DNAH14: variants seen among roughly 807,000 people sequenced by gnomAD.
DNAH14 encodes dynein axonemal heavy chain 14.
DNAH14 carries 478 observed loss-of-function variants against 520.9 expected under a neutral mutation model. That is an observed-to-expected ratio of 0.92 (90% CI 0.85 to 0.99). The LOEUF (loss-of-function observed/expected upper bound fraction) is 0.99. Ranked by LOEUF, DNAH14 falls within the 50% of genes least tolerant of loss-of-function variation. DNAH14 has a pLI of 0.00. For synonymous variants in DNAH14, 1,581 were observed against 1,757.2 expected, an observed-to-expected ratio of 0.90 and a Z score of 2.51; for missense variants, 4,831 against 5,234.5, an observed-to-expected ratio of 0.92 and a Z score of 2.38.
At chr1:225,158,358 G>A (rs1406125561) in intron 34 of DNAH14, among the ~76,000 whole-genome samples, 2 of 152,112 alleles carry the variant, frequency 1.3e-5, no homozygotes, top group Non-Finnish European at 2.9e-5. Flanking sequence ...GGGTGTGATT[G>A]CTTTGATTAA....
chr1:225,333,114 T>C (rs1421954219), intron 65 of DNAH14, among the ~76,000 whole-genome samples, 177 bp from the exon 66 acceptor site: 2 of 152,192 alleles, frequency 1.3e-5, no homozygotes, highest in South Asian at 2.1e-4. Context: ...AGACTAATTT[T>C]CCCCTCAGAA....
At position 225,336,057 on chromosome 1, in the gene DNAH14, A is replaced by G. The variant is rs965299694; in HGVS notation, c.10081-1209A>G. Among the ~76,000 whole-genome samples the G allele has an allele frequency of 3.1e-4, 45 of 145,966 alleles. 2 individuals are homozygous for G. Among genetic ancestry groups the G allele is most frequent in the African/African-American group, 5.1e-5 (2 of 39,216 alleles). On this transcript the variant is annotated intron_variant, in intron 66 of 85. Transcript: ENST00000682510. ...TACACACATATATGCATATATACAT[A>G]TATGTATACATACATACTTATATAT...
At position 225,347,611 on chromosome 1, in the gene DNAH14, C is replaced by CA. The variant is rs569131608; in HGVS notation, c.11296+959dup. 4.6e-5 allele frequency among the ~76,000 whole-genome samples: 7 copies of CA among 152,248 alleles called. No individual in the cohort carries two copies. In the South Asian group the frequency reaches 1.5e-3, roughly 32 times the overall value. Reference sequence around the variant, plus strand: ...TTTGGAAGCCACTAAAATCCAGATGCAAGCAGCACATTAGACCTGCAGTTT... The same window carrying CA: ...TTTGGAAGCCACTAAAATCCAGATGCAAAGCAGCACATTAGACCTGCAGTTT... On this transcript the variant is annotated intron_variant, in intron 71 of 85. Coordinates refer to ENST00000682510, the MANE Select transcript of DNAH14 (RefSeq NM_001367479.1).
chr1:225,024,010 C>T, intron 11 of DNAH14, 145 bp downstream of exon 11: 1 of 1,377,982 alleles, frequency 7.3e-7, no homozygotes. Context: ...TTGCTATTAA[C>T]AGAACTTATT....
At chr1:225,359,772 C>A (rs2095472478) in intron 74 of DNAH14, among the ~76,000 whole-genome samples, 2 of 152,158 alleles carry the variant, frequency 1.3e-5, no homozygotes, top group Admixed American at 1.3e-4. Context: ...AGAATGGAAG[C>A]AAGGAAGAAA....
At chr1:225,189,122 C>T (rs2085096724) in intron 37 of DNAH14, among the ~76,000 whole-genome samples, 1 of 151,594 alleles carries the variant, frequency 6.6e-6, no homozygotes, top group Non-Finnish European at 1.5e-5. Context: ...TGGTTTCTTT[C>T]CTTCATTTTA....
At chr1:225,328,384 C>G (rs1363804141) in intron 64 of DNAH14, among the ~76,000 whole-genome samples, 1 of 152,148 alleles carries the variant, frequency 6.6e-6, no homozygotes, top group African/African-American at 2.4e-5. Flanking sequence ...GCCACATTAC[C>G]TTCCATCTCT....
intron 54 of DNAH14, among the ~76,000 whole-genome samples, chr1:225,282,880 T>C (rs1190519030): frequency 6.6e-6 from 1 of 152,230 alleles, no homozygotes; most frequent in Non-Finnish European, 1.5e-5. Context: ...CATTTTTCTA[T>C]TAGGTTATCT....
intron 10 of DNAH14, among the ~76,000 whole-genome samples, chr1:225,018,060 C>T (rs1201000711): frequency 6.6e-6 from 1 of 152,130 alleles, no homozygotes; most frequent in Non-Finnish European, 1.5e-5. Context: ...AGGTTCTTAA[C>T]CACGTTGAAA....
At chr1:225,151,625 G>T (rs1559113107) in intron 31 of DNAH14, among the ~76,000 whole-genome samples, 1 of 152,206 alleles carries the variant, frequency 6.6e-6, no homozygotes, top group Non-Finnish European at 1.5e-5. Context: ...TGTGTTCCAT[G>T]CTGAAGCAGG....
chr1:225,020,541 C>T (rs1031776234), intron 10 of DNAH14, among the ~76,000 whole-genome samples: 1 of 144,932 alleles, frequency 6.9e-6, no homozygotes, highest in African/African-American at 2.5e-5. Flanking sequence ...CTATAAACAC[C>T]TCTTTGCATA....
Position 225,340,568 on chromosome 1 carries a change from G to A in DNAH14, c.10545G>A (p.Leu3515=), listed in dbSNP as rs1443967468. Residue 3515 remains leucine, a synonymous_variant, in exon 69 of 86, where the codon TTG becomes TTA. Coordinates refer to ENST00000682510, the MANE Select transcript of DNAH14 (RefSeq NM_001367479.1). ...TCCAAGGTTTGCAAGATCAACTCTT[G>A]TCTACTGTGGTAACTCATGAAGTTC... ...VTFQGLQDQL[L]STVVTHEVPH... The A allele has an allele frequency of 3.2e-6, 5 of 1,551,278 alleles. No individual in the cohort carries two copies. Among genetic ancestry groups the A allele is most frequent in the Non-Finnish European group, 4.4e-6 (5 of 1,146,872 alleles).
intron 1 of DNAH14, among the ~76,000 whole-genome samples, chr1:224,932,142 T>C (rs916746063): frequency 2.0e-5 from 3 of 152,184 alleles, no homozygotes; most frequent in African/African-American, 7.2e-5. Flanking sequence ...GACTTTTTAT[T>C]AATAGCCATT....
intron 38 of DNAH14, among the ~76,000 whole-genome samples, chr1:225,197,451 G>GTA (rs1176357142): frequency 6.6e-6 from 1 of 152,130 alleles, no homozygotes; most frequent in Non-Finnish European, 1.5e-5. Flanking sequence ...TGGCCTTATA[G>GTA]TATAGCCTGA....
At chr1:225,349,541 T>C (rs1358938795) in intron 71 of DNAH14, among the ~76,000 whole-genome samples, 7 of 152,176 alleles carry the variant, frequency 4.6e-5, no homozygotes, top group Non-Finnish European at 1.0e-4. Context: ...AGTATCCAAC[T>C]ATATGCTGTC....
chr1:224,954,420 T>C (rs990664256), intron 2 of DNAH14: 1 of 152,350 alleles, frequency 6.6e-6, no homozygotes, highest in Non-Finnish European at 1.5e-5. Context: ...TGATCTACCA[T>C]ATAAGTCTAT....
At position 225,334,609 on chromosome 1, in the gene DNAH14, C is replaced by G. The variant is rs143891019; in HGVS notation, c.10080+1103C>G. Among the ~76,000 whole-genome samples, 624 of 151,796 alleles carry G rather than the reference C, an allele frequency of 4.1e-3. 2 individuals carry two copies. Among genetic ancestry groups the G allele is most frequent in the African/African-American group, 0.014 (564 of 41,518 alleles). ...AAACCCAAGAGTAAGATTAATTTTC[C>G]TCTCAGAAAAGTTTATTTTTCAATA... is the stretch of plus-strand genomic sequence containing the variant. On this transcript the variant is annotated intron_variant, in intron 66 of 85. Transcript: ENST00000682510.
intron 8 of DNAH14, among the ~76,000 whole-genome samples, chr1:224,979,770 C>T (rs2062130772): frequency 6.6e-6 from 1 of 152,154 alleles, no homozygotes; most frequent in African/African-American, 2.4e-5. Context: ...CTAAAGAGGA[C>T]TTTGACTTTG....
At chr1:225,159,167 C>A in intron 34 of DNAH14, 147 bp from the exon 35 acceptor site, 1 of 641,328 alleles carries the variant, frequency 1.6e-6, no homozygotes, top group Non-Finnish European at 2.6e-6. Flanking sequence ...TTAATTCCAC[C>A]CAAACCATAT....
Sources: gnomAD v4.1 joint callset for allele counts (sites outside exome capture counted in the v4.1 genomes callset) on GRCh38, gnomAD v4.1.1 for gene constraint, MANE v1.5 for transcripts, NCBI Gene and HGNC (gene_info 2026-07-23, HGNC 2026-07-21) for gene names.